Variants in DNM2 observed in about 807,000 individuals in gnomAD.
DNM2 encodes the protein dynamin-2.
DNM2 carries 15 observed loss-of-function variants against 99.0 expected under a neutral mutation model. The ratio of observed to expected loss-of-function variants is 0.15; its 90% confidence interval spans 0.10 to 0.23. The LOEUF is 0.23. DNM2 is among the 10% of genes least tolerant of loss of function. The probability of loss-of-function intolerance (pLI) is 1.00; values close to 1 mark genes in which losing one functional copy is unlikely to be tolerated. For synonymous variants in DNM2, 525 were observed against 481.2 expected, an observed-to-expected ratio of 1.09 and a Z score of -1.19; for missense variants, 742 against 1,189.4, an observed-to-expected ratio of 0.62 and a Z score of 5.53.
At chr19:10,791,623 A>C (rs2071756329) in intron 7 of DNM2, among the ~76,000 whole-genome samples, 1 of 152,158 alleles carries the variant, frequency 6.6e-6, no homozygotes, top group African/African-American at 2.4e-5. Flanking sequence ...CAGGGCCCCC[A>C]GGAGGCTGGT....
intron 1 of DNM2, among the ~76,000 whole-genome samples, chr19:10,742,640 C>A (rs979422711): frequency 6.6e-6 from 1 of 152,160 alleles, no homozygotes; most frequent in Non-Finnish European, 1.5e-5. Flanking sequence ...CTCTGGAGTC[C>A]AAGGTTTCCT....
At chr19:10,757,027 C>T in intron 1 of DNM2, among the ~76,000 whole-genome samples, 1 of 152,144 alleles carries the variant, frequency 6.6e-6, no homozygotes, top group East Asian at 1.9e-4. Flanking sequence ...GTAATCCATC[C>T]CTAAATCCCA....
intron 7 of DNM2, among the ~76,000 whole-genome samples, chr19:10,791,433 A>G (rs1287799742): frequency 6.6e-6 from 1 of 152,144 alleles, no homozygotes; most frequent in Non-Finnish European, 1.5e-5. Context: ...GGCTATGAGC[A>G]CACCCTGTGA....
chr19:10,732,423 A>T lies in DNM2; in HGVS notation c.161+14020A>T, dbSNP rs534283646. ...AGACCATCCTGACTAACACGGTGAA[A>T]CCCCACCTCTACTAAAAATACAAAG... On this transcript the variant is annotated intron_variant, in intron 1 of 20. Coordinates refer to ENST00000389253, the MANE Select transcript of DNM2 (RefSeq NM_001005361.3). 3.7e-4 allele frequency among the ~76,000 whole-genome samples: 56 copies of T among 150,130 alleles called. 1 individual carries two copies. Among genetic ancestry groups the T allele is most frequent in the Middle Eastern group, 7.0e-3 (2 of 286 alleles).
At chr19:10,720,366 C>T (rs1982690540) in intron 1 of DNM2, among the ~76,000 whole-genome samples, 1 of 151,880 alleles carries the variant, frequency 6.6e-6, no homozygotes, top group Non-Finnish European at 1.5e-5. Flanking sequence ...GCGTCTACCA[C>T]CAAGCCCAAC....
At chr19:10,824,323 G>A in intron 17 of DNM2, 1 of 256,826 alleles carries the variant, frequency 3.9e-6, no homozygotes, top group Admixed American at 5.0e-5. Flanking sequence ...CCAACATGGT[G>A]AAACCCCGTC....
intron 1 of DNM2, among the ~76,000 whole-genome samples, chr19:10,748,713 C>A (rs2145802060): frequency 6.6e-6 from 1 of 152,314 alleles, no homozygotes; most frequent in East Asian, 1.9e-4. Context: ...GCGTCCTGGG[C>A]AAGTCCTGAG....
At chr19:10,813,698 T>C (rs980446691) in intron 15 of DNM2, among the ~76,000 whole-genome samples, 2 of 151,744 alleles carry the variant, frequency 1.3e-5, no homozygotes, top group African/African-American at 4.8e-5. Context: ...TGGTGGTGCA[T>C]ACCTGTAGTC....
At chr19:10,800,532 A>G (rs1373794557) in intron 11 of DNM2, among the ~76,000 whole-genome samples, 2 of 152,162 alleles carry the variant, frequency 1.3e-5, no homozygotes, top group East Asian at 3.8e-4. Context: ...TGGGTTGAGG[A>G]GACTCAGGCC....
At chr19:10,751,120 A>C (rs375707524) in intron 1 of DNM2, among the ~76,000 whole-genome samples, 1 of 150,814 alleles carries the variant, frequency 6.6e-6, no homozygotes. Context: ...AAAATGAGGC[A>C]TGGGGGGTGG....
Position 10,733,112 on chromosome 19 carries a change from G to A in DNM2, c.161+14709G>A, listed in dbSNP as rs1206123894. ...TTGGCCAGGCTAGTCTTGAACTCCC[G>A]ACCTCAGGTGATCCACCCTCCTCGG... is the stretch of plus-strand genomic sequence containing the variant. On this transcript the variant is annotated intron_variant, in intron 1 of 20. Coordinates refer to ENST00000389253, the MANE Select transcript of DNM2 (RefSeq NM_001005361.3). Among the ~76,000 whole-genome samples, 3 of 151,406 alleles carry A rather than the reference G, an allele frequency of 2.0e-5. No individual in the cohort carries two copies. In the East Asian group the frequency reaches 5.8e-4, roughly 29 times the overall value.
Position 10,820,001 on chromosome 19 carries a change from C to T in DNM2, c.1693C>T (p.Leu565=), listed in dbSNP as rs1188741913. 2 of 1,614,174 alleles carry T rather than the reference C, an allele frequency of 1.2e-6. No homozygotes were observed. Among genetic ancestry groups the T allele is most frequent in the South Asian group, 2.2e-5 (2 of 91,084 alleles). ...DEEEKEKKYM[L]PLDNLKIRDV... Reference sequence around the variant, plus strand: ...TCAGGAGAAAGAGAAGAAGTACATGCTGCCTCTGGACAACCTCAAGATCCG... The same window carrying T: ...TCAGGAGAAAGAGAAGAAGTACATGTTGCCTCTGGACAACCTCAAGATCCG... Residue 565 remains leucine, a synonymous_variant, in exon 16 of 21, where the codon CTG becomes TTG. Transcript: ENST00000389253. The surrounding 1 kb of genome is among the most constrained non-coding windows in gnomAD (Gnocchi z 4.3).
Position 10,829,221 on chromosome 19 carries a change from A to AC in DNM2, c.2249dup (p.Pro751AlafsTer4). Reference sequence around the variant, plus strand: ...GCACCAGCACTGTGTCCACGCCTGTACCCCCGCCTGTCGATGACACCTGGC... The same window carrying AC: ...GCACCAGCACTGTGTCCACGCCTGTACCCCCCGCCTGTCGATGACACCTGGC... On this transcript the variant is annotated frameshift_variant, in exon 19 of 21. Coordinates refer to ENST00000389253, the MANE Select transcript of DNM2 (RefSeq NM_001005361.3). LOFTEE classifies it high-confidence loss of function. 6.2e-7 allele frequency: 1 copy of AC among 1,612,428 alleles called. No homozygotes were observed. The highest frequency in any genetic ancestry group is 8.5e-7 in the Non-Finnish European group (1 of 1,179,710).
chr19:10,812,493 T>A lies in DNM2; in HGVS notation c.1671+116T>A. ...TGCGCCACTCTGCCCTGAGTCACCATTAGGACTGTAACTCGCCGGGCACGG... is the reference window on the plus strand; with the variant it reads ...TGCGCCACTCTGCCCTGAGTCACCAATAGGACTGTAACTCGCCGGGCACGG... On this transcript the variant is annotated intron_variant, in intron 15 of 20. Coordinates refer to ENST00000389253, the MANE Select transcript of DNM2 (RefSeq NM_001005361.3). This position sits in a 1 kb window ranked among gnomAD's most constrained non-coding sequence, Gnocchi z 4.0. The A allele has an allele frequency of 1.2e-6, 1 of 849,358 alleles. No homozygotes were observed. The highest frequency in any genetic ancestry group is 1.9e-6 in the Non-Finnish European group (1 of 540,410). The allele number at this position is 849,358 out of a possible 1,614,324, so 52.6% of individuals were successfully genotyped here. A position where few individuals can be genotyped will look rare whatever the true frequency, so the allele number is the denominator to read the frequency against.
At chr19:10,813,389 A>C (rs763231191) in intron 15 of DNM2, among the ~76,000 whole-genome samples, 1 of 152,208 alleles carries the variant, frequency 6.6e-6, no homozygotes, top group Non-Finnish European at 1.5e-5. Flanking sequence ...AATGTTTGAC[A>C]TATTTATGGG....
At position 10,796,286 on chromosome 19, in the gene DNM2, C is replaced by T; in HGVS notation, c.1196+847C>T. 4.4e-6 allele frequency: 7 copies of T among 1,585,388 alleles called. No homozygotes were observed. Among genetic ancestry groups the T allele is most frequent in the Non-Finnish European group, 6.0e-6 (7 of 1,157,504 alleles). On this transcript the variant is annotated intron_variant, in intron 9 of 20. Coordinates refer to ENST00000389253, the MANE Select transcript of DNM2 (RefSeq NM_001005361.3). This position sits in a 1 kb window ranked among gnomAD's most constrained non-coding sequence, Gnocchi z 5.6. Reference sequence around the variant, plus strand: ...ATCAGGCTCCCAGCGCCTCATTGGCCCCCACTGGTGCCTTTTCTCCCCATA... The same window carrying T: ...ATCAGGCTCCCAGCGCCTCATTGGCTCCCACTGGTGCCTTTTCTCCCCATA...
intron 1 of DNM2, among the ~76,000 whole-genome samples, chr19:10,720,588 G>T (rs1473554040): frequency 6.6e-6 from 1 of 152,086 alleles, no homozygotes; most frequent in Non-Finnish European, 1.5e-5. Context: ...AGCCAGGTAG[G>T]GTGGTAGTCC....
intron 1 of DNM2, among the ~76,000 whole-genome samples, chr19:10,757,943 C>CAAAAA (rs762600168): frequency 2.9e-4 from 19 of 65,356 alleles, no homozygotes; most frequent in African/African-American, 6.2e-4. Context: ...AGCTCTGTCT[C>CAAAAA]AAAAAAAAAA....
chr19:10,770,385 A>C lies in DNM2; in HGVS notation c.236-2094A>C, dbSNP rs114447537. On this transcript the variant is annotated intron_variant, in intron 2 of 20. Transcript: ENST00000389253. ...GGGTCAGGTCTCTGACCTCTTTGCC[A>C]GTGTGACTTATTACCCCTTTCTTTC... Among the ~76,000 whole-genome samples the C allele has an allele frequency of 4.2e-3, 641 of 152,274 alleles. 4 individuals carry two copies. Among genetic ancestry groups the C allele is most frequent in the Middle Eastern group, 0.01 (3 of 294 alleles).
Sources: allele counts gnomAD v4.1 joint callset (sites outside exome capture counted in the v4.1 genomes callset), GRCh38; gene constraint gnomAD v4.1.1; non-coding constraint Gnocchi (gnomAD v3.1); transcripts MANE v1.5; gene names NCBI Gene and HGNC (gene_info 2026-07-23, HGNC 2026-07-21).